The following SHLD1 variants were observed in gnomAD, a reference collection of about 807,000 sequenced individuals.
SHLD1 encodes RINN1-REV7-interacting novel NHEJ regulator 3.
A neutral mutation model predicts 5.5 loss-of-function variants in SHLD1; 3 were observed. The ratio of observed to expected loss-of-function variants is 0.54; its 90% CI spans 0.25 to 1.40. SHLD1 has a LOEUF of 1.40. Ranked by LOEUF, SHLD1 falls within the 40% of genes most tolerant of loss-of-function variation. The pLI, the probability that SHLD1 is intolerant of heterozygous loss-of-function variation, is 0.15. For synonymous variants in SHLD1, 92 were observed against 94.3 expected, an observed-to-expected ratio of 0.98 and a Z score of 0.14; for missense variants, 210 against 244.4, an observed-to-expected ratio of 0.86 and a Z score of 0.94.
chr20:5,751,998 A>G (rs569407873), intron 1 of SHLD1, among the ~76,000 whole-genome samples: 24 of 152,338 alleles, frequency 1.6e-4, no homozygotes, highest in African/African-American at 5.8e-4. Flanking sequence ...AAGTCAGTAG[A>G]AAAGAATGCT....
intron 2 of SHLD1, among the ~76,000 whole-genome samples, chr20:5,790,202 C>T (rs907058618): frequency 1.3e-5 from 2 of 152,174 alleles, no homozygotes; most frequent in African/African-American, 4.8e-5. Context: ...GACAGCCCAA[C>T]CCAGGGACCT....
rs557665490 is a variant in SHLD1 at position 5,858,752 on chromosome 20, T to A, written c.179-4272T>A. ...CGGGTGGCTGAGGTGAGAGGATCAT[T>A]TGAGCCCAGGAGGTGGAGGCTGCAG... On this transcript the variant is annotated intron_variant, in intron 2 of 2. Transcript: ENST00000303142. Among the ~76,000 whole-genome samples the A allele has an allele frequency of 5.3e-5, 8 of 152,208 alleles. No homozygotes were observed. The South Asian group carries it at 6.2e-4, about 12-fold the overall frequency.
Position 5,855,577 on chromosome 20 carries a change from G to A in SHLD1, c.179-7447G>A, listed in dbSNP as rs771545718. On this transcript the variant is annotated intron_variant, in intron 2 of 2. Transcript: ENST00000303142. This position sits in a 1 kb window ranked among gnomAD's most constrained non-coding sequence, Gnocchi z 4.4. ...AGTAGATACAGGGTTTCATCATGTT[G>A]CCCAGGCTGGTCTTGAACTCCTGGG... Among the ~76,000 whole-genome samples, 4 of 152,012 alleles carry A rather than the reference G, an allele frequency of 2.6e-5. No individual in the cohort carries two copies. Among genetic ancestry groups the A allele is most frequent in the Non-Finnish European group, 5.9e-5 (4 of 68,012 alleles).
chr20:5,799,713 A>G (rs934323835), intron 2 of SHLD1, among the ~76,000 whole-genome samples: 1 of 152,108 alleles, frequency 6.6e-6, no homozygotes, highest in South Asian at 2.1e-4. Context: ...CCTTCTTACT[A>G]TAGGGTCAGT....
chr20:5,764,178 T>TATA (rs1491471257), intron 1 of SHLD1, among the ~76,000 whole-genome samples: 23 of 77,406 alleles, frequency 3.0e-4, no homozygotes, highest in African/African-American at 1.1e-3. Context: ...ATATATATTT[T>TATA]TATATATATA....
rs576335203 is a variant in SHLD1, at chr20:5,760,569, T to C, written c.-5+10090T>C. Among the ~76,000 whole-genome samples, 4 of 152,114 alleles carry C rather than the reference T, an allele frequency of 2.6e-5. No homozygotes were observed. In the South Asian group the frequency reaches 8.3e-4, roughly 32 times the overall value. ...TTAGTCGGGCATGGTGGCTTGCACC[T>C]GTAGTCCTGGCTATCCGGGAGGCTG... On this transcript the variant is annotated intron_variant, in intron 1 of 2. Transcript: ENST00000303142.
In SHLD1 at chr20:5,780,514, T is replaced by C. The variant is rs1000492263; in HGVS notation, c.178+7471T>C. Among the ~76,000 whole-genome samples, 42 of 152,218 alleles carry C rather than the reference T, an allele frequency of 2.8e-4. 1 individual carries two copies. The highest frequency in any genetic ancestry group is 8.2e-4 in the African/African-American group (34 of 41,554). ...GTCCCAGCTTCCAGGTTGGAGTCAG[T>C]GTCACAGTTCTAACCCCTGGAAGAG... On this transcript the variant is annotated intron_variant, in intron 2 of 2. Coordinates refer to ENST00000303142, the MANE Select transcript of SHLD1 (RefSeq NM_152504.4).
intron 2 of SHLD1, among the ~76,000 whole-genome samples, chr20:5,779,974 T>TG (rs1157387985): frequency 7.7e-6 from 1 of 129,206 alleles, no homozygotes; most frequent in Non-Finnish European, 1.6e-5. Context: ...CAATTTCTGT[T>TG]TTTTTTTTTT....
chr20:5,779,132 G>T (rs1448861685), intron 2 of SHLD1, among the ~76,000 whole-genome samples: 1 of 151,866 alleles, frequency 6.6e-6, no homozygotes, highest in African/African-American at 2.4e-5. Flanking sequence ...AACCTGGGAG[G>T]TGGAGGCTGC....
intron 2 of SHLD1, among the ~76,000 whole-genome samples, chr20:5,857,024 C>G (rs2088096180): frequency 6.6e-6 from 1 of 152,146 alleles, no homozygotes; most frequent in Non-Finnish European, 1.5e-5. Context: ...CTCTGTCGCC[C>G]AGGCTGGAGT....
In SHLD1 at chr20:5,839,133, C is replaced by T. The variant is rs148369746; in HGVS notation, c.179-23891C>T. ...TAATTTCTTTAGATTTAATGACGTA[C>T]CTTTGTCATGTACTTAATCTTCAGC... On this transcript the variant is annotated intron_variant, in intron 2 of 2. Transcript: ENST00000303142. Among the ~76,000 whole-genome samples, 113 of 152,288 alleles carry T rather than the reference C, an allele frequency of 7.4e-4. 4 individuals are homozygous for T. The highest frequency in any genetic ancestry group is 6.5e-3 in the Admixed American group (99 of 15,294).
intron 2 of SHLD1, among the ~76,000 whole-genome samples, chr20:5,818,123 T>C (rs942505308): frequency 6.6e-6 from 1 of 152,114 alleles, no homozygotes. Flanking sequence ...CTTGCTCTGT[T>C]GGAGTGCAGT....
At chr20:5,852,512 G>A (rs1861621248) in intron 2 of SHLD1, among the ~76,000 whole-genome samples, 1 of 151,546 alleles carries the variant, frequency 6.6e-6, no homozygotes, top group Non-Finnish European at 1.5e-5. Context: ...AGGCTGAAGT[G>A]CAGTGGTGTG....
chr20:5,779,863 G>A (rs1002417015), intron 2 of SHLD1, among the ~76,000 whole-genome samples: 6 of 152,090 alleles, frequency 3.9e-5, no homozygotes, highest in African/African-American at 1.2e-4. Context: ...ACAGCTGAAT[G>A]GGGGGTCTAA....
intron 2 of SHLD1, among the ~76,000 whole-genome samples, chr20:5,860,420 A>G (rs1171607575): frequency 1.3e-5 from 2 of 152,086 alleles, no homozygotes; most frequent in East Asian, 3.9e-4. Context: ...AAATCAGGCC[A>G]CCAATCCTGA....
At chr20:5,775,922 G>GTTTTTTTTTTTTTTT (rs1391999872) in intron 2 of SHLD1, among the ~76,000 whole-genome samples, 19 of 63,462 alleles carry the variant, frequency 3.0e-4, no homozygotes, top group South Asian at 4.4e-4. Flanking sequence ...GTCAGCTCAG[G>GTTTTTTTTTTTTTTT]ATTTTTTTTT....
At chr20:5,783,728 AC>A (rs1284807695) in intron 2 of SHLD1, among the ~76,000 whole-genome samples, 1 of 152,230 alleles carries the variant, frequency 6.6e-6, no homozygotes, top group Non-Finnish European at 1.5e-5. Context: ...GTGGTTCCTC[AC>A]AGCTCTTTAG....
chr20:5,793,047 A>G (rs553711253), intron 2 of SHLD1, among the ~76,000 whole-genome samples: 1 of 152,116 alleles, frequency 6.6e-6, no homozygotes, highest in South Asian at 2.1e-4. Context: ...TCTTTTCCCT[A>G]TTGAGTAGTC....
At chr20:5,788,190 G>GT (rs72054858) in intron 2 of SHLD1, among the ~76,000 whole-genome samples, 1 of 151,968 alleles carries the variant, frequency 6.6e-6, no homozygotes, top group Non-Finnish European at 1.5e-5. Flanking sequence ...AGTATGTGAG[G>GT]TTTTTTTCCT....
Sources: gnomAD v4.1 joint callset for allele counts (sites outside exome capture counted in the v4.1 genomes callset) on GRCh38, gnomAD v4.1.1 for gene constraint, Gnocchi (gnomAD v3.1) non-coding constraint, MANE v1.5 for transcripts, NCBI Gene and HGNC (gene_info 2026-07-23, HGNC 2026-07-21) for gene names.